Variants in ZBTB16 observed in about 807,000 individuals in gnomAD.
ZBTB16 encodes the protein zinc finger and BTB domain containing 16.
A neutral mutation model predicts 56.8 loss-of-function variants in ZBTB16; 8 were observed. That is an observed-to-expected ratio of 0.14 (90% CI 0.08 to 0.25). ZBTB16 has a LOEUF of 0.25. Among genes scored for constraint, ZBTB16 ranks in the 10% least tolerant of loss-of-function variants. ZBTB16 has a pLI of 1.00. For missense variants in ZBTB16, 625 were observed against 903.0 expected (o/e 0.69, Z 3.95); for synonymous variants, 363 against 368.5 (o/e 0.98, Z 0.17).
chr11:114,246,811 G>A (rs1944825317), intron 5 of ZBTB16: 1 of 264,120 alleles, frequency 3.8e-6, no homozygotes, highest in Non-Finnish European at 7.5e-6. Flanking sequence ...TTTGAAGGTT[G>A]GGGAGTCAGG....
Position 114,061,151 on chromosome 11 carries a change from G to A in ZBTB16, c.-91+1269G>A, listed in dbSNP as rs566003686. 5.4e-4 allele frequency among the ~76,000 whole-genome samples: 79 copies of A among 146,122 alleles called. 1 individual carries two copies. In the South Asian group the frequency reaches 0.017, roughly 32 times the overall value. On this transcript the variant is annotated intron_variant, in intron 1 of 6. Transcript: ENST00000335953. ...CTCGGTGGGGGTCGCTGGGAACTGG[G>A]GGGGTGTGAGAGCGCGGTCGATCCC...
chr11:114,120,399 C>A (rs1321472266), intron 2 of ZBTB16, among the ~76,000 whole-genome samples: 2 of 152,150 alleles, frequency 1.3e-5, no homozygotes, highest in African/African-American at 2.4e-5. Flanking sequence ...TCCCCTGGCT[C>A]CCCCTGGCTT....
At chr11:114,105,695 CCT>C in intron 2 of ZBTB16, among the ~76,000 whole-genome samples, 1 of 152,176 alleles carries the variant, frequency 6.6e-6, no homozygotes, top group African/African-American at 2.4e-5. Context: ...AACTTTTTCC[CCT>C]GTTCCTCCAT....
intron 2 of ZBTB16, among the ~76,000 whole-genome samples, chr11:114,128,486 A>G (rs562868262): frequency 1.3e-4 from 19 of 151,820 alleles, no homozygotes; most frequent in African/African-American, 4.6e-4. Flanking sequence ...CAAATTGCTT[A>G]AACATCTGAC....
chr11:114,233,113 ACACACACACACACTCTCTCTCT>A (rs1944489981), intron 4 of ZBTB16, among the ~76,000 whole-genome samples: 1 of 52,944 alleles, frequency 1.9e-5, no homozygotes, highest in South Asian at 7.0e-4. Context: ...ACACACACAC[ACACACACACACACTCTCTCTCT>A]CTCACACTCC....
intron 3 of ZBTB16, among the ~76,000 whole-genome samples, chr11:114,172,449 C>T (rs537943759): frequency 6.6e-6 from 1 of 152,334 alleles, no homozygotes; most frequent in East Asian, 1.9e-4. Context: ...TTAGGACATC[C>T]ATTTTACAGA....
In ZBTB16 at chr11:114,067,293, G is replaced by A. The variant is rs553663566; in HGVS notation, c.1268+2725G>A. Among the ~76,000 whole-genome samples, 3 of 152,272 alleles carry A rather than the reference G, an allele frequency of 2.0e-5. No homozygotes were observed. The South Asian group carries it at 6.2e-4, about 32-fold the overall frequency. On this transcript the variant is annotated intron_variant, in intron 2 of 6. Transcript: ENST00000335953. ...TGCCACCCTCCATGAGGGTTGTGTT[G>A]ACTGTGAGGTGGTGCAGAGAATGTC...
At position 114,064,715 on chromosome 11, in the gene ZBTB16, G is replaced by A; in HGVS notation, c.1268+147G>A. ...CCAGAACACTTCTTCTAAAGTTCTG[G>A]CGGGGAGGGGAGCAGGTTTTTTAAA... On this transcript the variant is annotated intron_variant, in intron 2 of 6. Transcript: ENST00000335953. The surrounding 1 kb of genome is among the most constrained non-coding windows in gnomAD (Gnocchi z 4.2). 8.9e-7 allele frequency: 1 copy of A among 1,121,536 alleles called. No individual in the cohort carries two copies. Among genetic ancestry groups the A allele is most frequent in the South Asian group, 1.4e-5 (1 of 72,388 alleles). 69.5% of individuals were successfully genotyped at this position (1,121,536 alleles called of 1,614,324 possible). A position where few individuals can be genotyped will look rare whatever the true frequency, so the allele number is the denominator to read the frequency against.
intron 6 of ZBTB16, 69 bp downstream of exon 6, chr11:114,247,434 C>T: frequency 6.3e-7 from 1 of 1,598,170 alleles, no homozygotes; most frequent in Non-Finnish European, 8.6e-7. Flanking sequence ...CAGATAGTCT[C>T]CTAGAGAAGC....
intron 2 of ZBTB16, among the ~76,000 whole-genome samples, chr11:114,094,724 G>A (rs1180339592): frequency 6.6e-6 from 1 of 152,250 alleles, no homozygotes; most frequent in Non-Finnish European, 1.5e-5. Flanking sequence ...CCCACAGTGA[G>A]CTGGTTGGGG....
rs544514006 is a variant in ZBTB16 at position 114,064,777 on chromosome 11, C to G, written c.1268+209C>G. ...GGGCCTAGGATCTTTCCAAAAAGCA[C>G]CAGGGGACACTCATGGGCGCAGCTT... On this transcript the variant is annotated intron_variant, in intron 2 of 6. Coordinates refer to ENST00000335953, the MANE Select transcript of ZBTB16 (RefSeq NM_006006.6). This position sits in a 1 kb window ranked among gnomAD's most constrained non-coding sequence, Gnocchi z 4.2. Among the ~76,000 whole-genome samples the G allele has an allele frequency of 5.9e-5, 9 of 152,332 alleles. No homozygotes were observed. The East Asian group carries it at 1.7e-3, about 29-fold the overall frequency.
At chr11:114,121,548 G>A (rs1038845931) in intron 2 of ZBTB16, among the ~76,000 whole-genome samples, 1 of 152,174 alleles carries the variant, frequency 6.6e-6, no homozygotes, top group African/African-American at 2.4e-5. Flanking sequence ...GCTGCCATTG[G>A]TTGAATGCTT....
At chr11:114,198,407 CA>C (rs199824054) in intron 4 of ZBTB16, among the ~76,000 whole-genome samples, 1 of 90 alleles carries the variant, frequency 0.011, no homozygotes, top group Non-Finnish European at 0.024. Flanking sequence ...TTTCCAAGCA[CA>C]GGGGCTCTCG....
intron 4 of ZBTB16, among the ~76,000 whole-genome samples, chr11:114,199,024 G>C (rs1943669714): frequency 6.6e-6 from 1 of 152,226 alleles, no homozygotes; most frequent in African/African-American, 2.4e-5. Context: ...AGGCAGGTTT[G>C]GATTAGAAAG....
chr11:114,235,693 T>TCTTTCTTTA (rs10669266), intron 4 of ZBTB16, among the ~76,000 whole-genome samples: 1 of 114,304 alleles, frequency 8.7e-6, no homozygotes, highest in Non-Finnish European at 1.8e-5. Flanking sequence ...TTTCTTTCTT[T>TCTTTCTTTA]TCTTTCTTTC....
Position 114,060,468 on chromosome 11 carries a change from C to T in ZBTB16, c.-91+586C>T, listed in dbSNP as rs551057934. The T allele has an allele frequency of 1.3e-5, 2 of 152,074 alleles. No homozygotes were observed. The highest frequency in any genetic ancestry group is 4.8e-5 in the African/African-American group (2 of 41,398). The allele number at this position is 152,074 out of a possible 1,614,324, so 9.4% of individuals were successfully genotyped here. A position where few individuals can be genotyped will look rare whatever the true frequency, so the allele number is the denominator to read the frequency against. ...CTTGATTGGACTTGATCCCCACCCC[C>T]CTTTTGCAGGGGAGGGAGGGAAGCT... is the stretch of plus-strand genomic sequence containing the variant. On this transcript the variant is annotated intron_variant, in intron 1 of 6. Transcript: ENST00000335953. The surrounding 1 kb of genome is among the most constrained non-coding windows in gnomAD (Gnocchi z 6.0).
intron 2 of ZBTB16, among the ~76,000 whole-genome samples, chr11:114,078,916 G>A (rs1455021382): frequency 1.3e-5 from 2 of 151,896 alleles, no homozygotes; most frequent in Non-Finnish European, 2.9e-5. Context: ...AATTAGCTGG[G>A]TGGCAGGTGC....
At chr11:114,234,834 T>C (rs1175099242) in intron 4 of ZBTB16, among the ~76,000 whole-genome samples, 1 of 152,200 alleles carries the variant, frequency 6.6e-6, no homozygotes, top group Non-Finnish European at 1.5e-5. Context: ...CTTTCTCTCT[T>C]GCCGAGTGGA....
At chr11:114,175,764 G>A (rs1336017204) in intron 3 of ZBTB16, among the ~76,000 whole-genome samples, 2 of 152,098 alleles carry the variant, frequency 1.3e-5, no homozygotes. Context: ...TCGAGACTGA[G>A]GAATGCTGCC....
Sources: allele counts gnomAD v4.1 joint callset (sites outside exome capture counted in the v4.1 genomes callset), GRCh38; gene constraint gnomAD v4.1.1; non-coding constraint Gnocchi (gnomAD v3.1); transcripts MANE v1.5; gene names NCBI Gene and HGNC (gene_info 2026-07-23, HGNC 2026-07-21).